The following PLXNA3 variants were observed in gnomAD, a reference collection of about 807,000 sequenced individuals.
PLXNA3 encodes the protein plexin-A3.
Under a neutral mutation model 118.8 loss-of-function variants are expected in PLXNA3, and 52 were observed. The observed-to-expected ratio is 0.44, with a 90% CI of 0.35 to 0.55. PLXNA3 has a LOEUF of 0.55. Among genes scored for constraint, PLXNA3 ranks in the 20% least tolerant of loss-of-function variants. PLXNA3 has a pLI of 0.01. For synonymous variants in PLXNA3, 925 were observed against 762.4 expected, an observed-to-expected ratio of 1.21 and a Z score of -3.51; for missense variants, 1,660 against 1,730.8, an observed-to-expected ratio of 0.96 and a Z score of 0.73.
At chrX:154,467,715 G>A in intron 20 of PLXNA3, 27 bp downstream of exon 20, 1 of 1,204,561 alleles carries the variant, frequency 8.3e-7, no homozygotes, top group Non-Finnish European at 1.1e-6. Context: ...AGACCCCCTG[G>A]GCAGCCCAGG....
At position 154,472,638 on chromosome X, in the gene PLXNA3, C is replaced by G. The variant is rs1320417678; in HGVS notation, c.5569C>G (p.Arg1857Gly). 2 of 1,206,663 alleles carry G rather than the reference C, an allele frequency of 1.7e-6. No individual in the cohort carries two copies. The highest frequency in any genetic ancestry group is 3.5e-5 in the African/African-American group (2 of 57,013). Residue 1857 changes from arginine to glycine, a missense_variant, in exon 33 of 33, where the codon CGG (arginine) becomes GGG (glycine). Physicochemically the swap from Arg to Gly is moderately radical, Grantham distance 125. Transcript: ENST00000369682. Reference sequence around the variant, plus strand: ...TGCCTCTTGTCGGAAGCATAAGTTGCGGCAGAAACTGGAACAGATCATCAG... The same window carrying G: ...TGCCTCTTGTCGGAAGCATAAGTTGGGGCAGAAACTGGAACAGATCATCAG... ...RDASCRKHKL[R>G]QKLEQIISLV...
intron 3 of PLXNA3, 56 bp from the exon 4 acceptor site, chrX:154,462,072 C>T (rs2068978162): frequency 7.8e-6 from 8 of 1,024,703 alleles, no homozygotes; most frequent in Non-Finnish European, 9.3e-6. Context: ...AACTGCCGGC[C>T]TCCATCTTGC....
chrX:154,475,041 C>G lies in PLXNA3; in HGVS notation c.*2356C>G, dbSNP rs1159587531. On this transcript the variant is annotated 3_prime_UTR_variant, in exon 33 of 33. Coordinates refer to ENST00000369682, the MANE Select transcript of PLXNA3 (RefSeq NM_017514.5). ...GCTCAAGTGATCCTCCTGTTTTGGC[C>G]TCCCAAAATTCTGGGATTACAGTTG... The G allele has an allele frequency of 9.6e-6, 1 of 103,648 alleles. No individual in the cohort carries two copies. Among genetic ancestry groups the G allele is most frequent in the Admixed American group, 1.1e-4 (1 of 9,453 alleles). The allele number at this position is 103,648 out of a possible 1,213,427, so 8.5% of individuals were successfully genotyped here.
At chrX:154,465,285 A>G in intron 11 of PLXNA3, 67 bp downstream of exon 11, 1 of 1,072,133 alleles carries the variant, frequency 9.3e-7, no homozygotes, top group Non-Finnish European at 1.3e-6. Context: ...GTTCTTGTCT[A>G]TGCCCAGCTC....
rs1239033240 is a variant in PLXNA3, at chrX:154,467,862, G to T, written c.3681G>T (p.Gly1227=). The T allele has an allele frequency of 1.7e-6, 2 of 1,208,726 alleles. No individual in the cohort carries two copies. Among genetic ancestry groups the T allele is most frequent in the South Asian group, 1.8e-5 (1 of 57,014 alleles). The change falls in exon 21 of 33, where the codon GGG becomes GGT. Residue 1227 remains glycine (G), a synonymous_variant. Transcript: ENST00000369682. ...TLPAMMGLAA[G]GGLLLLAITA... is the part of the protein sequence containing the mutation. ...CGGCCATGATGGGGCTGGCGGCGGGGGGTGGGCTCCTGCTGCTGGCCATCA... is the reference window on the plus strand; with the variant it reads ...CGGCCATGATGGGGCTGGCGGCGGGTGGTGGGCTCCTGCTGCTGGCCATCA...
Position 154,462,289 on chromosome X carries a change from G to T in PLXNA3, c.1296G>T (p.Thr432=). The T allele has an allele frequency of 8.6e-7, 1 of 1,160,080 alleles. No individual in the cohort carries two copies. The part of the protein sequence containing the change: ...YRQHSVVFIG[T]RSGSLKKVRV... Reference sequence around the variant, plus strand: ...AGCACTCTGTGGTCTTCATTGGCACGCGCAGCGGCAGCTTGAAGAAGGTGG... The same window carrying T: ...AGCACTCTGTGGTCTTCATTGGCACTCGCAGCGGCAGCTTGAAGAAGGTGG... The change falls in exon 4 of 33, where the codon ACG becomes ACT. Residue 432 remains threonine, a synonymous_variant. Transcript: ENST00000369682.
chrX:154,461,102 T>A lies in PLXNA3; in HGVS notation c.598T>A (p.Tyr200Asn). The A allele has an allele frequency of 8.4e-7, 1 of 1,192,903 alleles. No homozygotes were observed. The highest frequency in any genetic ancestry group is 1.1e-6 in the Non-Finnish European group (1 of 881,907). Residue 200 changes from tyrosine to asparagine, a missense_variant, in exon 3 of 33, where the codon TAC (tyrosine) becomes AAC (asparagine). Physicochemically the swap from Tyr to Asn is moderately radical, Grantham distance 143. This residue lies in a region of PLXNA3 where 791 missense variants were observed against 652.1 expected (regional missense o/e 1.21). Transcript: ENST00000369682. ...GTCTCCTCCCCCTGCTCCCCAGGTG[T>A]ACCAGGATGAGTTTGTGTCCTCCCA... ...EDSADMFSLV[Y>N]QDEFVSSQIK...
intron 20 of PLXNA3, 37 bp from the exon 21 acceptor site, chrX:154,467,730 G>T: frequency 8.3e-7 from 1 of 1,202,064 alleles, no homozygotes; most frequent in Non-Finnish European, 1.1e-6. Flanking sequence ...CCCAGGGTGG[G>T]CGTGGTGGTC....
chrX:154,464,493 C>T lies in PLXNA3; in HGVS notation c.1920C>T (p.Val640=), dbSNP rs782065498. 2.5e-6 allele frequency: 3 copies of T among 1,204,412 alleles called. No individual in the cohort carries two copies. Among genetic ancestry groups the T allele is most frequent in the Admixed American group, 2.2e-5 (1 of 46,101 alleles). ...GADFVFYNCS[V]LQSCMSCVGS... is the part of the protein sequence containing the mutation. ...ACTTTGTCTTCTACAACTGCAGCGT[C>T]CTCCAGTCGTGAGTACCTGGCCAGC... The change falls in exon 9 of 33, where the codon GTC becomes GTT. Residue 640 remains valine, a synonymous_variant. Coordinates refer to ENST00000369682, the MANE Select transcript of PLXNA3 (RefSeq NM_017514.5).
intron 1 of PLXNA3, among the ~76,000 whole-genome samples, chrX:154,459,166 T>TCC (rs3838186): frequency 2.5e-4 from 20 of 80,548 alleles, no homozygotes; most frequent in African/African-American, 8.0e-4. Flanking sequence ...CACCCCCCGC[T>TCC]CCCCCCCCGC....
chrX:154,470,829 C>A lies in PLXNA3; in HGVS notation c.5156+218C>A, dbSNP rs182383030. 2.0e-4 allele frequency: 88 copies of A among 449,160 alleles called. 2 individuals are homozygous for A. In the Admixed American group the frequency reaches 2.6e-3, roughly 13 times the overall value. 37.0% of individuals were successfully genotyped at this position (449,160 alleles called of 1,213,427 possible). A position where few individuals can be genotyped will look rare whatever the true frequency, so the allele number is the denominator to read the frequency against. On this transcript the variant is annotated intron_variant, in intron 30 of 32. Coordinates refer to ENST00000369682, the MANE Select transcript of PLXNA3 (RefSeq NM_017514.5). Reference sequence around the variant, plus strand: ...GGTGGGTGGGATGGTGGTGGTGAGGCCTTTGCCCTCTGGGGTCTTGCACCA... The same window carrying A: ...GGTGGGTGGGATGGTGGTGGTGAGGACTTTGCCCTCTGGGGTCTTGCACCA...
rs2069211045 is a variant in PLXNA3 at position 154,473,371 on chromosome X, A to G, written c.*686A>G. The G allele has an allele frequency of 8.9e-6, 1 of 112,939 alleles. No individual in the cohort carries two copies. The highest frequency in any genetic ancestry group is 3.2e-5 in the African/African-American group (1 of 30,982). 9.3% of individuals were successfully genotyped at this position (112,939 alleles called of 1,213,427 possible). A position where few individuals can be genotyped will look rare whatever the true frequency, so the allele number is the denominator to read the frequency against. ...CTGACTTGGGCCTGGGGGCCCTAGA[A>G]CGCTCCTCCTCCTGAGCCTACTGCC... On this transcript the variant is annotated 3_prime_UTR_variant, in exon 33 of 33. Coordinates refer to ENST00000369682, the MANE Select transcript of PLXNA3 (RefSeq NM_017514.5).
Position 154,462,107 on chromosome X carries a change from G to A in PLXNA3, c.1135-21G>A, listed in dbSNP as rs202127587. ...CGCCTGGGAGCTTTGACTCTCACGG[G>A]TTCCTCCTCTGTTTCACCAGCCCAT... On this transcript the variant is annotated intron_variant, in intron 3 of 32. Transcript: ENST00000369682. 8.6e-6 allele frequency: 10 copies of A among 1,160,041 alleles called. No individual in the cohort carries two copies. The Admixed American group carries it at 1.3e-4, about 15-fold the overall frequency.
chrX:154,469,881 C>T (rs1475960375), intron 28 of PLXNA3, 96 bp from the exon 29 acceptor site: 5 of 1,116,183 alleles, frequency 4.5e-6, no homozygotes, highest in Admixed American at 4.4e-5. Flanking sequence ...GGTCGGCCAG[C>T]GAGGGCAGAT....
chrX:154,461,831 C>G lies in PLXNA3; in HGVS notation c.1134+193C>G, dbSNP rs782438145. Among the ~76,000 whole-genome samples, 6 of 112,231 alleles carry G rather than the reference C, an allele frequency of 5.3e-5. No homozygotes were observed. In the South Asian group the frequency reaches 2.2e-3, roughly 42 times the overall value. On this transcript the variant is annotated intron_variant, in intron 3 of 32. Coordinates refer to ENST00000369682, the MANE Select transcript of PLXNA3 (RefSeq NM_017514.5). ...GCCTCTCTCTGGGCTGCCCAGTGCCCCACTTCTGCTTCCTTCCGTTCCCAG... is the reference window on the plus strand; with the variant it reads ...GCCTCTCTCTGGGCTGCCCAGTGCCGCACTTCTGCTTCCTTCCGTTCCCAG...
intron 29 of PLXNA3, 79 bp downstream of exon 29, chrX:154,470,246 T>C (rs1408689813): frequency 5.8e-6 from 6 of 1,036,417 alleles, no homozygotes; most frequent in Non-Finnish European, 7.9e-6. Flanking sequence ...ATGGATCATT[T>C]GCTTCCAGTG....
rs1262575427 is a variant in PLXNA3, at chrX:154,474,757, G to GTGAGCCAC, written c.*2073_*2080dup. The GTGAGCCAC allele has an allele frequency of 1.0e-5, 1 of 100,018 alleles. No individual in the cohort carries two copies. The highest frequency in any genetic ancestry group is 3.8e-5 in the African/African-American group (1 of 26,663). The allele number at this position is 100,018 out of a possible 1,213,427, so 8.2% of individuals were successfully genotyped here. Reference sequence around the variant, plus strand: ...CTCCCAAAGTGCTGGGATTACAGGCGTGAGCCACCATGCCTGACCTTTTTT... The same window carrying GTGAGCCAC: ...CTCCCAAAGTGCTGGGATTACAGGCGTGAGCCACTGAGCCACCATGCCTGACCTTTTTT... On this transcript the variant is annotated 3_prime_UTR_variant, in exon 33 of 33. Transcript: ENST00000369682.
At chrX:154,464,626 G>T in intron 9 of PLXNA3, 125 bp downstream of exon 9, 1 of 697,694 alleles carries the variant, frequency 1.4e-6, no homozygotes, top group Non-Finnish European at 2.2e-6. Flanking sequence ...GATAGCCCCT[G>T]ACATCCCCAC....
chrX:154,461,708 C>A, intron 3 of PLXNA3, 70 bp downstream of exon 3: 1 of 1,014,829 alleles, frequency 9.9e-7, no homozygotes, highest in Non-Finnish European at 1.3e-6. Context: ...CGTGGGCTCA[C>A]GGCCAGTCAT....
Sources: allele counts gnomAD v4.1 joint callset (sites outside exome capture counted in the v4.1 genomes callset), GRCh38; gene constraint gnomAD v4.1.1; regional missense constraint gnomAD v4.1.1; transcripts MANE v1.5; gene names NCBI Gene and HGNC (gene_info 2026-07-23, HGNC 2026-07-21).